The following NAT8L variants were observed in gnomAD, a reference collection of about 807,000 sequenced individuals.
NAT8L encodes the protein N-acetylaspartate synthetase.
NAT8L carries 6 observed loss-of-function variants against 21.2 expected under a neutral mutation model. The observed-to-expected ratio is 0.28, with a 90% CI of 0.16 to 0.56. The LOEUF is 0.56. Ranked by LOEUF, NAT8L falls within the 20% of genes least tolerant of loss-of-function variation. The pLI is 0.93. For missense variants in NAT8L, 331 were observed against 433.3 expected (o/e 0.76, Z 2.10); for synonymous variants, 239 against 204.9 (o/e 1.17, Z -1.42).
In NAT8L at chr4:2,064,124, G is replaced by A; in HGVS notation, c.906G>A (p.Glu302=). 1 of 1,571,854 alleles carries A rather than the reference G, an allele frequency of 6.4e-7. No individual in the cohort carries two copies. Among genetic ancestry groups the A allele is most frequent in the Non-Finnish European group, 8.6e-7 (1 of 1,166,110 alleles). ...YHRYRLQLRE[E] ...GCTACCGCCTGCAGCTGCGCGAGGAGTGACCGCCGCCGCTCGCCCGCCCGC... is the reference window on the plus strand; with the variant it reads ...GCTACCGCCTGCAGCTGCGCGAGGAATGACCGCCGCCGCTCGCCCGCCCGC... Residue 302 remains glutamate (E), a synonymous_variant, in exon 3 of 3, where the codon GAG becomes GAA. Coordinates refer to ENST00000423729, the MANE Select transcript of NAT8L (RefSeq NM_178557.4).
rs1053067496 is a variant in NAT8L, at chr4:2,061,300, C to T, written c.541+138C>T. The T allele has an allele frequency of 1.2e-5, 18 of 1,467,166 alleles. 1 individual carries two copies. In the South Asian group the frequency reaches 2.1e-4, roughly 17 times the overall value. 90.9% of individuals were successfully genotyped at this position (1,467,166 alleles called of 1,614,324 possible). A position where few individuals can be genotyped will look rare whatever the true frequency, so the allele number is the denominator to read the frequency against. ...CCGGGGCCCCTGTGACCTGAGCCTT[C>T]TGGGTGACCGAGGCCTCCGGTGTCA... On this transcript the variant is annotated intron_variant, in intron 2 of 2. Coordinates refer to ENST00000423729, the MANE Select transcript of NAT8L (RefSeq NM_178557.4).
chr4:2,059,954 T>G lies in NAT8L; in HGVS notation c.376+67T>G. On this transcript the variant is annotated intron_variant, in intron 1 of 2. Transcript: ENST00000423729. The surrounding 1 kb of genome is among the most constrained non-coding windows in gnomAD (Gnocchi z 4.8). ...GGCGCGGAGCTCCCCCGCCCCGGCG[T>G]CCACGCGGACCCCGCGCCCGGCTCC... 1.0e-6 allele frequency: 1 copy of G among 955,850 alleles called. No individual in the cohort carries two copies. The highest frequency in any genetic ancestry group is 1.3e-6 in the Non-Finnish European group (1 of 766,402). The allele number at this position is 955,850 out of a possible 1,614,324, so 59.2% of individuals were successfully genotyped here. A position where few individuals can be genotyped will look rare whatever the true frequency, so the allele number is the denominator to read the frequency against.
chr4:2,064,027 G>A lies in NAT8L; in HGVS notation c.809G>A (p.Ser270Asn). 6.2e-7 allele frequency: 1 copy of A among 1,611,810 alleles called. No homozygotes were observed. Among genetic ancestry groups the A allele is most frequent in the Non-Finnish European group, 8.5e-7 (1 of 1,179,642 alleles). ...ESLGFRHMGASDHYVLPGMTL... is the reference protein window; with the variant it reads ...ESLGFRHMGANDHYVLPGMTL... Reference sequence around the variant, plus strand: ...CTGGGCTTCAGACACATGGGCGCCAGTGACCACTACGTGCTGCCGGGCATG... The same window carrying A: ...CTGGGCTTCAGACACATGGGCGCCAATGACCACTACGTGCTGCCGGGCATG... Residue 270 changes from serine (S) to asparagine (N), a missense_variant, in exon 3 of 3, where the codon AGT becomes AAT. Physicochemically the swap from Ser to Asn is conservative, Grantham distance 46 (BLOSUM62 1). Transcript: ENST00000423729.
Position 2,064,170 on chromosome 4 carries a change from C to T in NAT8L, c.*43C>T, listed in dbSNP as rs1729948207. ...CCCGCCCCCCCGGCCGCCCTGTCCG[C>T]CTTTGCCCGCCTGCCCGCCGCCCGG... On this transcript the variant is annotated 3_prime_UTR_variant, in exon 3 of 3. Coordinates refer to ENST00000423729, the MANE Select transcript of NAT8L (RefSeq NM_178557.4). 4 of 1,259,078 alleles carry T rather than the reference C, an allele frequency of 3.2e-6. No homozygotes were observed. Among genetic ancestry groups the T allele is most frequent in the Non-Finnish European group, 4.0e-6 (4 of 999,328 alleles). 78.0% of individuals were successfully genotyped at this position (1,259,078 alleles called of 1,614,324 possible).
chr4:2,061,217 A>G, intron 2 of NAT8L, 55 bp downstream of exon 2: 1 of 1,603,336 alleles, frequency 6.2e-7, no homozygotes, highest in Non-Finnish European at 8.5e-7. Flanking sequence ...CCTCGGGGGC[A>G]CGCACTCCAG....
rs1017467018 is a variant in NAT8L, at chr4:2,061,106, A to C, written c.485A>C (p.Glu162Ala). The change falls in exon 2 of 3, where the codon GAG becomes GCG. Residue 162 changes from glutamate to alanine, a missense_variant. Glu to Ala is a moderately radical substitution (Grantham distance 107). Transcript: ENST00000423729. ...CGCAAGGTGATCCGCGCCTACCTGGAGTGCGCGCTGCACACGGACATGGCG... is the reference window on the plus strand; with the variant it reads ...CGCAAGGTGATCCGCGCCTACCTGGCGTGCGCGCTGCACACGGACATGGCG... The part of the protein sequence containing the change: ...YSRKVIRAYL[E>A]CALHTDMADI... 1 of 1,611,490 alleles carries C rather than the reference A, an allele frequency of 6.2e-7. No individual in the cohort carries two copies. Among genetic ancestry groups the C allele is most frequent in the Non-Finnish European group, 8.5e-7 (1 of 1,179,238 alleles).
chr4:2,061,964 G>A (rs1198931393), intron 2 of NAT8L, among the ~76,000 whole-genome samples: 1 of 152,168 alleles, frequency 6.6e-6, no homozygotes, highest in African/African-American at 2.4e-5. Context: ...CCACCCCCGC[G>A]CCACGGCCTT....
At position 2,059,690 on chromosome 4, in the gene NAT8L, T is replaced by G. The variant is rs1729814026; in HGVS notation, c.179T>G (p.Val60Gly). ...CCCCCCGCGCCCCCACCTGCCCCGG[T>G]GGCTCAGCCTCACGGCGGGGCGGGG... is the stretch of plus-strand genomic sequence containing the variant. ...AAPPAPPPAP[V>G]AQPHGGAGGA... Residue 60 changes from valine to glycine, a missense_variant, in exon 1 of 3, where the codon GTG becomes GGG. This residue lies in a region of NAT8L where 199 missense variants were observed against 196.1 expected (regional missense o/e 1.01). Coordinates refer to ENST00000423729, the MANE Select transcript of NAT8L (RefSeq NM_178557.4). This position sits in a 1 kb window ranked among gnomAD's most constrained non-coding sequence, Gnocchi z 4.8. The G allele has an allele frequency of 3.9e-6, 4 of 1,018,150 alleles. No individual in the cohort carries two copies. Among genetic ancestry groups the G allele is most frequent in the East Asian group, 7.8e-5 (1 of 12,870 alleles). 63.1% of individuals were successfully genotyped at this position (1,018,150 alleles called of 1,614,324 possible).
Position 2,064,061 on chromosome 4 carries a change from G to T in NAT8L, c.843G>T (p.Ser281=). 6.2e-7 allele frequency: 1 copy of T among 1,609,788 alleles called. No homozygotes were observed. The highest frequency in any genetic ancestry group is 1.7e-5 in the Admixed American group (1 of 59,940). Reference sequence around the variant, plus strand: ...ACGTGCTGCCGGGCATGACCCTCTCGCTGGCTGAGCGCCTCTTCTTCCAGG... The same window carrying T: ...ACGTGCTGCCGGGCATGACCCTCTCTCTGGCTGAGCGCCTCTTCTTCCAGG... ...DHYVLPGMTL[S]LAERLFFQVR... is the part of the protein sequence containing the mutation. Residue 281 remains serine, a synonymous_variant, in exon 3 of 3, where the codon TCG becomes TCT. Transcript: ENST00000423729.
intron 2 of NAT8L, among the ~76,000 whole-genome samples, chr4:2,061,720 G>T (rs1458327354): frequency 2.6e-5 from 4 of 152,122 alleles, no homozygotes; most frequent in African/African-American, 9.7e-5. Context: ...GGGGGTGGGG[G>T]TTGTTCTCCA....
chr4:2,059,761 C>T lies in NAT8L; in HGVS notation c.250C>T (p.Arg84Cys), dbSNP rs1378330381. Residue 84 changes from arginine (R) to cysteine (C), a missense_variant, in exon 1 of 3, where the codon CGT (arginine) becomes TGT (cysteine). This residue lies in a region of NAT8L where 199 missense variants were observed against 196.1 expected (regional missense o/e 1.01). Transcript: ENST00000423729. The surrounding 1 kb of genome is among the most constrained non-coding windows in gnomAD (Gnocchi z 4.8). Reference sequence around the variant, plus strand: ...GCGCGGCGTGTGCATCCGCGAGTTCCGTGCGGCCGAGCAGGAGGCGGCGCG... The same window carrying T: ...GCGCGGCGTGTGCATCCGCGAGTTCTGTGCGGCCGAGCAGGAGGCGGCGCG... Reference protein sequence around the residue: ...GGRGVCIREFRAAEQEAARRI... With the variant: ...GGRGVCIREFCAAEQEAARRI... The T allele has an allele frequency of 6.8e-6, 9 of 1,321,068 alleles. No individual in the cohort carries two copies. Among genetic ancestry groups the T allele is most frequent in the African/African-American group, 1.6e-5 (1 of 64,422 alleles). The allele number at this position is 1,321,068 out of a possible 1,614,324, so 81.8% of individuals were successfully genotyped here.
At position 2,067,758 on chromosome 4, in the gene NAT8L, G is replaced by C. The variant is rs780205022; in HGVS notation, c.*3631G>C. The C allele has an allele frequency of 6.6e-6, 1 of 152,260 alleles. No individual in the cohort carries two copies. Among genetic ancestry groups the C allele is most frequent in the African/African-American group, 2.4e-5 (1 of 41,466 alleles). 9.4% of individuals were successfully genotyped at this position (152,260 alleles called of 1,614,324 possible). ...GGGACGGTGGGACAGTTGCCCCTGC[G>C]CCAAGGGAGCCCACTGCCATCCCCC... On this transcript the variant is annotated 3_prime_UTR_variant, in exon 3 of 3. Coordinates refer to ENST00000423729, the MANE Select transcript of NAT8L (RefSeq NM_178557.4).
chr4:2,062,079 G>T (rs1009972311), intron 2 of NAT8L, among the ~76,000 whole-genome samples: 2 of 152,202 alleles, frequency 1.3e-5, no homozygotes, highest in Non-Finnish European at 2.9e-5. Context: ...GGGCCATGAG[G>T]AAGCACAGGC....
rs1730019091 is a variant in NAT8L at position 2,067,042 on chromosome 4, G to C, written c.*2915G>C. The C allele has an allele frequency of 6.6e-6, 1 of 152,442 alleles. No individual in the cohort carries two copies. The highest frequency in any genetic ancestry group is 1.5e-5 in the Non-Finnish European group (1 of 68,198). 9.4% of individuals were successfully genotyped at this position (152,442 alleles called of 1,614,324 possible). A position where few individuals can be genotyped will look rare whatever the true frequency, so the allele number is the denominator to read the frequency against. ...AGAGCCACGGGTCTTGCTGTGCTGGGGGTGGGGTGGCCCCAGGCAGCTGCC... is the reference window on the plus strand; with the variant it reads ...AGAGCCACGGGTCTTGCTGTGCTGGCGGTGGGGTGGCCCCAGGCAGCTGCC... On this transcript the variant is annotated 3_prime_UTR_variant, in exon 3 of 3. Transcript: ENST00000423729.
rs185577409 is a variant in NAT8L at position 2,061,218 on chromosome 4, C to G, written c.541+56C>G. ...CCGCCCCAGACAGCCCTCGGGGGCA[C>G]GCACTCCAGCGACCTCAGGGCAGGC... On this transcript the variant is annotated intron_variant, in intron 2 of 2. Transcript: ENST00000423729. 3.0e-3 allele frequency: 4,772 copies of G among 1,601,182 alleles called. 15 individuals are homozygous for G. The highest frequency in any genetic ancestry group is 0.014 in the Middle Eastern group (85 of 5,890).
chr4:2,061,876 A>T (rs1030285665), intron 2 of NAT8L, among the ~76,000 whole-genome samples: 92 of 151,894 alleles, frequency 6.1e-4, no homozygotes, highest in Non-Finnish European at 7.4e-5. Context: ...GTGTGGCCCA[A>T]AGGGTTGGGC....
chr4:2,066,975 G>C lies in NAT8L; in HGVS notation c.*2848G>C, dbSNP rs1396787669. 6.6e-6 allele frequency: 1 copy of C among 152,238 alleles called. No individual in the cohort carries two copies. The highest frequency in any genetic ancestry group is 2.4e-5 in the African/African-American group (1 of 41,450). The allele number at this position is 152,238 out of a possible 1,614,324, so 9.4% of individuals were successfully genotyped here. A position where few individuals can be genotyped will look rare whatever the true frequency, so the allele number is the denominator to read the frequency against. On this transcript the variant is annotated 3_prime_UTR_variant, in exon 3 of 3. Coordinates refer to ENST00000423729, the MANE Select transcript of NAT8L (RefSeq NM_178557.4). Reference sequence around the variant, plus strand: ...CTGCAGGCCTGACGAGAGGCTCCGGGCAGCTGAGGGCTGAAGCGCCTCGGG... The same window carrying C: ...CTGCAGGCCTGACGAGAGGCTCCGGCCAGCTGAGGGCTGAAGCGCCTCGGG...
rs1185529309 is a variant in NAT8L, at chr4:2,065,768, A to C, written c.*1641A>C. The C allele has an allele frequency of 2.0e-5, 3 of 152,510 alleles. No individual in the cohort carries two copies. Among genetic ancestry groups the C allele is most frequent in the South Asian group, 4.1e-4 (2 of 4,828 alleles). The allele number at this position is 152,510 out of a possible 1,614,324, so 9.4% of individuals were successfully genotyped here. Reference sequence around the variant, plus strand: ...CTGTACAGACCCCACTCCCCTGTACATTCCTCCCTGGAGGTGCCCGGTCCC... The same window carrying C: ...CTGTACAGACCCCACTCCCCTGTACCTTCCTCCCTGGAGGTGCCCGGTCCC... On this transcript the variant is annotated 3_prime_UTR_variant, in exon 3 of 3. Transcript: ENST00000423729.
Position 2,059,793 on chromosome 4 carries a change from C to T in NAT8L, c.282C>T (p.Ile94=), listed in dbSNP as rs1729816287. 4 of 1,377,232 alleles carry T rather than the reference C, an allele frequency of 2.9e-6. No individual in the cohort carries two copies. In the East Asian group the frequency reaches 1.1e-4, roughly 37 times the overall value. The allele number at this position is 1,377,232 out of a possible 1,614,324, so 85.3% of individuals were successfully genotyped here. A position where few individuals can be genotyped will look rare whatever the true frequency, so the allele number is the denominator to read the frequency against. The change falls in exon 1 of 3, where the codon ATC becomes ATT. Residue 94 remains isoleucine, a synonymous_variant. Coordinates refer to ENST00000423729, the MANE Select transcript of NAT8L (RefSeq NM_178557.4). This position sits in a 1 kb window ranked among gnomAD's most constrained non-coding sequence, Gnocchi z 4.8. ...RAAEQEAARR[I]FYDGIMERIP... ...CCGAGCAGGAGGCGGCGCGCCGCAT[C>T]TTCTACGACGGCATCATGGAGCGCA...
Sources: gnomAD v4.1 joint callset for allele counts (sites outside exome capture counted in the v4.1 genomes callset) on GRCh38, gnomAD v4.1.1 for gene constraint, gnomAD v4.1.1 regional missense constraint, Gnocchi (gnomAD v3.1) non-coding constraint, MANE v1.5 for transcripts, NCBI Gene and HGNC (gene_info 2026-07-23, HGNC 2026-07-21) for gene names.